The following CSMD1 variants were observed in gnomAD, a reference collection of about 807,000 sequenced individuals.
CSMD1 encodes the protein CUB and Sushi multiple domains 1, also known as CUB and sushi domain-containing protein 1.
CSMD1 carries 213 observed loss-of-function variants against 417.5 expected under a neutral mutation model. That is an observed-to-expected ratio of 0.51 (90% CI 0.46 to 0.57). The LOEUF (loss-of-function observed/expected upper bound fraction) is 0.57. CSMD1 is among the 20% of genes least tolerant of loss of function. The pLI is 0.00. For synonymous variants in CSMD1, 2,862 were observed against 1,736.8 expected, an observed-to-expected ratio of 1.65 and a Z score of -16.11; for missense variants, 6,923 against 4,529.7, an observed-to-expected ratio of 1.53 and a Z score of -15.17.
chr8:4,899,622 A>C (rs191810226), intron 1 of CSMD1, among the ~76,000 whole-genome samples: 69 of 152,318 alleles, frequency 4.5e-4, no homozygotes, highest in Middle Eastern at 3.4e-3. Flanking sequence ...GTTACATAAC[A>C]TATAGGGTTT....
intron 3 of CSMD1, among the ~76,000 whole-genome samples, chr8:4,146,125 T>G (rs973492270): frequency 6.6e-6 from 1 of 150,788 alleles, no homozygotes. Flanking sequence ...CGGTGAGGAA[T>G]TCAGAGCCTA....
At chr8:3,248,736 C>T (rs1349118003) in intron 26 of CSMD1, among the ~76,000 whole-genome samples, 1 of 152,054 alleles carries the variant, frequency 6.6e-6, no homozygotes, top group Non-Finnish European at 1.5e-5. Flanking sequence ...CTTTGACTAA[C>T]ACGTTCTCTC....
chr8:3,293,258 AT>A (rs1803713144), intron 25 of CSMD1, among the ~76,000 whole-genome samples: 1 of 151,702 alleles, frequency 6.6e-6, no homozygotes, highest in African/African-American at 2.4e-5. Context: ...TGCCTTTAAC[AT>A]TTTTTCCTTC....
At chr8:3,241,244 G>A (rs1344935214) in intron 26 of CSMD1, among the ~76,000 whole-genome samples, 1 of 150,380 alleles carries the variant, frequency 6.6e-6, no homozygotes, top group African/African-American at 2.4e-5. Flanking sequence ...AAAGAGTATT[G>A]TCTAAGCTGG....
chr8:3,831,220 G>A (rs1282195430), intron 5 of CSMD1, among the ~76,000 whole-genome samples: 1 of 152,164 alleles, frequency 6.6e-6, no homozygotes, highest in Non-Finnish European at 1.5e-5. Flanking sequence ...CATGTGGAAA[G>A]TTAAATAAAA....
At chr8:4,498,335 G>A (rs569744034) in intron 2 of CSMD1, among the ~76,000 whole-genome samples, 21 of 151,984 alleles carry the variant, frequency 1.4e-4, no homozygotes, top group African/African-American at 2.9e-4. Context: ...ACACACACAC[G>A]TTAACTTATT....
At chr8:3,133,988 G>A (rs954617827) in intron 41 of CSMD1, among the ~76,000 whole-genome samples, 1 of 152,084 alleles carries the variant, frequency 6.6e-6, no homozygotes, top group Non-Finnish European at 1.5e-5. Context: ...GACCAGCCTG[G>A]CCAATGTGGT....
At chr8:4,297,531 C>A (rs576566005) in intron 3 of CSMD1, among the ~76,000 whole-genome samples, 7 of 152,186 alleles carry the variant, frequency 4.6e-5, no homozygotes, top group African/African-American at 1.7e-4. Context: ...GCTGTTAAAC[C>A]CCTCACATAT....
At chr8:3,981,717 C>G (rs1546756) in intron 5 of CSMD1, among the ~76,000 whole-genome samples, 116,264 of 151,884 alleles carry the variant, frequency 0.77, 44,607 homozygotes, top group East Asian at 0.89. Flanking sequence ...TATTTGATTT[C>G]TTCAGTCCTA....
intron 1 of CSMD1, among the ~76,000 whole-genome samples, chr8:4,833,168 CT>C (rs1386490425): frequency 4.6e-5 from 7 of 152,238 alleles, no homozygotes; most frequent in Admixed American, 4.6e-4. Flanking sequence ...CATTCTCACA[CT>C]GCTATAAAAA....
intron 25 of CSMD1, among the ~76,000 whole-genome samples, chr8:3,296,597 G>C (rs1019003939): frequency 6.6e-6 from 1 of 152,146 alleles, no homozygotes; most frequent in Non-Finnish European, 1.5e-5. Context: ...CTCTGTCAAC[G>C]TTTTGAGTAA....
intron 3 of CSMD1, among the ~76,000 whole-genome samples, chr8:4,268,686 AT>A (rs1419606802): frequency 5.9e-5 from 9 of 152,242 alleles, no homozygotes. Flanking sequence ...AGGAAGATAT[AT>A]GTGTATCTCA....
At chr8:3,992,712 T>C (rs1256927072) in intron 5 of CSMD1, among the ~76,000 whole-genome samples, 2 of 152,196 alleles carry the variant, frequency 1.3e-5, no homozygotes, top group Non-Finnish European at 2.9e-5. Context: ...GTCCAGGAGT[T>C]TGAGGCTACA....
intron 12 of CSMD1, among the ~76,000 whole-genome samples, chr8:3,414,588 G>T (rs1445442731): frequency 6.6e-6 from 1 of 152,098 alleles, no homozygotes; most frequent in Non-Finnish European, 1.5e-5. Flanking sequence ...CAGTGCTAAG[G>T]ATAACCGTAC....
chr8:4,206,296 T>G (rs181541458), intron 3 of CSMD1, among the ~76,000 whole-genome samples: 1 of 152,112 alleles, frequency 6.6e-6, no homozygotes, highest in Non-Finnish European at 1.5e-5. Context: ...CTGCACCCAT[T>G]AACTTGTCAT....
chr8:3,643,420 G>C (rs564097269), intron 7 of CSMD1, among the ~76,000 whole-genome samples: 6 of 152,078 alleles, frequency 3.9e-5, no homozygotes, highest in Admixed American at 1.3e-4. Flanking sequence ...TGCCTCCTCT[G>C]GGCCGGACGC....
At chr8:3,769,733 T>C (rs1228832658) in intron 5 of CSMD1, among the ~76,000 whole-genome samples, 1 of 152,186 alleles carries the variant, frequency 6.6e-6, no homozygotes, top group Non-Finnish European at 1.5e-5. Context: ...CATTACTTAT[T>C]TAACCAATGT....
intron 12 of CSMD1, among the ~76,000 whole-genome samples, chr8:3,461,676 T>C (rs1343624643): frequency 6.6e-6 from 1 of 152,148 alleles, no homozygotes; most frequent in Admixed American, 6.5e-5. Context: ...TCACCAGTAA[T>C]GGAAGCAGCC....
chr8:4,796,764 G>T (rs186692545), intron 1 of CSMD1, among the ~76,000 whole-genome samples: 6 of 152,284 alleles, frequency 3.9e-5, no homozygotes. Flanking sequence ...GCCGAATTCA[G>T]TCCCCTTCCC....
Sources: gnomAD v4.1 joint callset for allele counts (sites outside exome capture counted in the v4.1 genomes callset) on GRCh38, gnomAD v4.1.1 for gene constraint, MANE v1.5 for transcripts, NCBI Gene and HGNC (gene_info 2026-07-23, HGNC 2026-07-21) for gene names.